The following GALNTL5 variants were observed in gnomAD, a reference collection of about 807,000 sequenced individuals.
GALNTL5 encodes inactive polypeptide N-acetylgalactosaminyltransferase-like protein 5.
In GALNTL5, 44 loss-of-function variants were observed where a neutral mutation model predicts 51.0. That is an observed-to-expected ratio of 0.86 (90% CI 0.68 to 1.11). The LOEUF (loss-of-function observed/expected upper bound fraction) is 1.11, where lower values mean the gene tolerates loss of function less well. GALNTL5 is among the 50% of genes least tolerant of loss of function. The probability of loss-of-function intolerance (pLI) is 0.00; values close to 1 mark genes in which losing one functional copy is unlikely to be tolerated. For missense variants in GALNTL5, 528 were observed against 531.8 expected (o/e 0.99, Z 0.07); for synonymous variants, 192 against 182.8 (o/e 1.05, Z -0.41).
At chr7:151,983,683 C>G (rs2081325770) in intron 4 of GALNTL5, among the ~76,000 whole-genome samples, 1 of 152,028 alleles carries the variant, frequency 6.6e-6, no homozygotes, top group African/African-American at 2.4e-5. Context: ...GGGCACCGGC[C>G]ACATCCTTGG....
At chr7:151,983,836 T>C (rs1158604226) in intron 4 of GALNTL5, among the ~76,000 whole-genome samples, 1 of 152,194 alleles carries the variant, frequency 6.6e-6, no homozygotes, top group African/African-American at 2.4e-5. Context: ...CATAGAGAGC[T>C]TGAAATACAT....
intron 4 of GALNTL5, among the ~76,000 whole-genome samples, chr7:151,984,655 G>A (rs2081338245): frequency 6.6e-6 from 1 of 152,208 alleles, no homozygotes. Context: ...TGGGAAGAGT[G>A]TGGAGTGAGG....
intron 5 of GALNTL5, among the ~76,000 whole-genome samples, chr7:151,989,253 G>A (rs1210727049): frequency 6.6e-6 from 1 of 151,390 alleles, no homozygotes; most frequent in Non-Finnish European, 1.5e-5. Context: ...AGGTTTAAGT[G>A]ATTCTCCTGC....
rs758879660 is a variant in GALNTL5, at chr7:152,019,746, A to T, written c.1277A>T (p.Gln426Leu). The T allele has an allele frequency of 1.9e-6, 3 of 1,613,940 alleles. No homozygotes were observed. The highest frequency in any genetic ancestry group is 1.7e-6 in the Non-Finnish European group (2 of 1,179,832). The part of the protein sequence containing the change: ...LRKRLGCKSF[Q>L]WYLDNVFPEL... ...AAACGACTGGGTTGCAAGTCATTTC[A>T]GTGGTATTTGGATAATGTCTTCCCA... The change falls in exon 9 of 9, where the codon CAG (glutamine) becomes CTG (leucine). Residue 426 changes from glutamine to leucine, a missense_variant. Transcript: ENST00000392800.
At chr7:151,997,408 A>G (rs1008365974) in intron 5 of GALNTL5, among the ~76,000 whole-genome samples, 5 of 152,174 alleles carry the variant, frequency 3.3e-5, no homozygotes, top group Admixed American at 1.3e-4. Context: ...GTTTCCACAA[A>G]ATATTCCTGT....
At chr7:151,968,638 G>T (rs1182664869) in intron 2 of GALNTL5, among the ~76,000 whole-genome samples, 1 of 152,244 alleles carries the variant, frequency 6.6e-6, no homozygotes, top group Non-Finnish European at 1.5e-5. Context: ...GTGCCAGGGG[G>T]ACAGTGTTGC....
At chr7:152,015,648 C>T (rs2081803134) in intron 8 of GALNTL5, among the ~76,000 whole-genome samples, 2 of 151,710 alleles carry the variant, frequency 1.3e-5, no homozygotes, top group African/African-American at 2.4e-5. Context: ...AGTGAGCCAC[C>T]GTACCCGGCC....
chr7:151,961,683 C>T (rs2080993461), intron 1 of GALNTL5, among the ~76,000 whole-genome samples: 1 of 152,142 alleles, frequency 6.6e-6, no homozygotes, highest in South Asian at 2.1e-4. Flanking sequence ...GGGCCTAAGG[C>T]TCATTTCAGG....
chr7:151,972,941 G>A (rs1034681122), intron 3 of GALNTL5, among the ~76,000 whole-genome samples: 1 of 152,160 alleles, frequency 6.6e-6, no homozygotes, highest in Non-Finnish European at 1.5e-5. Flanking sequence ...TGTGAGAAGA[G>A]GACCACCTTC....
intron 6 of GALNTL5, 63 bp from the exon 7 acceptor site, chr7:152,007,764 T>C (rs1304917082): frequency 2.1e-6 from 2 of 951,918 alleles, no homozygotes; most frequent in East Asian, 2.4e-5. Flanking sequence ...TAATATAATT[T>C]TGAGGAAACT....
chr7:152,014,104 C>A (rs890606320), intron 7 of GALNTL5, among the ~76,000 whole-genome samples: 6 of 152,188 alleles, frequency 3.9e-5, no homozygotes, highest in Non-Finnish European at 5.9e-5. Context: ...TAAATTTGAA[C>A]CTTGTACTCT....
At chr7:151,973,665 T>C (rs1413581477) in intron 3 of GALNTL5, among the ~76,000 whole-genome samples, 1 of 152,220 alleles carries the variant, frequency 6.6e-6, no homozygotes, top group African/African-American at 2.4e-5. Context: ...AAGGGACTTG[T>C]CTCAGATGAG....
chr7:151,973,650 G>A (rs1723326051), intron 3 of GALNTL5, among the ~76,000 whole-genome samples: 1 of 152,208 alleles, frequency 6.6e-6, no homozygotes, highest in South Asian at 2.1e-4. Context: ...TAGGTTCATA[G>A]GAGGAAGGGA....
chr7:151,973,782 C>T (rs1193379994), intron 3 of GALNTL5, among the ~76,000 whole-genome samples: 1 of 125,704 alleles, frequency 8.0e-6, no homozygotes, highest in East Asian at 2.3e-4. Context: ...TTGGGAGGGG[C>T]CAGGGGCAGA....
rs1563017632 is a variant in GALNTL5, at chr7:151,995,347, A to ATTTTTTTTTTTT, written c.659-7367_659-7366insTTTTTTTTTTTT. 8 of 90,980 alleles carry ATTTTTTTTTTTT rather than the reference A, an allele frequency of 8.8e-5. 2 individuals are homozygous for ATTTTTTTTTTTT. Among genetic ancestry groups the ATTTTTTTTTTTT allele is most frequent in the African/African-American group, 8.0e-5 (2 of 24,902 alleles). The allele number at this position is 90,980 out of a possible 1,614,324, so 5.6% of individuals were successfully genotyped here. On this transcript the variant is annotated intron_variant, in intron 5 of 8. Coordinates refer to ENST00000392800, the MANE Select transcript of GALNTL5 (RefSeq NM_145292.4). ...AAGAAATCTACGATCAGTTGGTATG[A>ATTTTTTTTTTTT]ATTTTTTTTTTTTTTTTTTTTTTTT... is the stretch of plus-strand genomic sequence containing the variant.
chr7:152,000,938 C>T (rs1418138714), intron 5 of GALNTL5, among the ~76,000 whole-genome samples: 1 of 128,578 alleles, frequency 7.8e-6, no homozygotes, highest in Non-Finnish European at 1.6e-5. Context: ...CAGAGTCTTG[C>T]TCTGTCACCC....
intron 3 of GALNTL5, among the ~76,000 whole-genome samples, chr7:151,980,895 G>A (rs113869621): frequency 0.014 from 1,979 of 143,876 alleles, 83 homozygotes; most frequent in African/African-American, 0.054. Flanking sequence ...ACAGGCACCC[G>A]CCACTGCGCC....
At chr7:151,958,876 G>A (rs536460783) in intron 1 of GALNTL5, among the ~76,000 whole-genome samples, 1 of 152,310 alleles carries the variant, frequency 6.6e-6, no homozygotes, top group East Asian at 1.9e-4. Context: ...GATCCAAAGT[G>A]GGTAGCCCTC....
chr7:151,967,723 G>A (rs551405476), intron 2 of GALNTL5, among the ~76,000 whole-genome samples: 5 of 152,128 alleles, frequency 3.3e-5, no homozygotes, highest in African/African-American at 7.2e-5. Flanking sequence ...TTGCTTCAGA[G>A]AGCTTTCTGT....
Sources: allele counts gnomAD v4.1 joint callset (sites outside exome capture counted in the v4.1 genomes callset), GRCh38; gene constraint gnomAD v4.1.1; transcripts MANE v1.5; gene names NCBI Gene and HGNC (gene_info 2026-07-23, HGNC 2026-07-21).